The following GRM7 variants were observed in gnomAD, a reference collection of about 807,000 sequenced individuals.
GRM7 encodes metabotropic glutamate receptor 7.
GRM7 carries 35 observed loss-of-function variants against 84.5 expected under a neutral mutation model. The observed-to-expected ratio is 0.41, with a 90% CI of 0.32 to 0.55. GRM7 has a LOEUF of 0.55. Among genes scored for constraint, GRM7 ranks in the 20% least tolerant of loss-of-function variants. The pLI is 0.19. For missense variants in GRM7, 1,003 were observed against 1,194.6 expected (o/e 0.84, Z 2.36); for synonymous variants, 487 against 455.1 (o/e 1.07, Z -0.89).
chr3:7,631,459 A>AT (rs1404240270), intron 8 of GRM7, among the ~76,000 whole-genome samples: 1 of 151,888 alleles, frequency 6.6e-6, no homozygotes, highest in Non-Finnish European at 1.5e-5. Context: ...TACTTTATAT[A>AT]TTTTTCCTCC....
At chr3:6,987,660 C>A (rs1030086501) in intron 1 of GRM7, among the ~76,000 whole-genome samples, 2 of 152,176 alleles carry the variant, frequency 1.3e-5, no homozygotes, top group African/African-American at 2.4e-5. Context: ...TCCTTGTAAG[C>A]CACTGGTTCC....
At chr3:6,918,075 A>G (rs1697004057) in intron 1 of GRM7, among the ~76,000 whole-genome samples, 1 of 152,164 alleles carries the variant, frequency 6.6e-6, no homozygotes, top group Admixed American at 6.6e-5. Context: ...CTTTTAATGA[A>G]AGCTTTGTAC....
chr3:6,966,907 C>A (rs1013847321), intron 1 of GRM7, among the ~76,000 whole-genome samples: 1 of 152,144 alleles, frequency 6.6e-6, no homozygotes, highest in Non-Finnish European at 1.5e-5. Context: ...TGAGGCTTAA[C>A]CTCTTTCACC....
intron 8 of GRM7, among the ~76,000 whole-genome samples, chr3:7,671,575 GTGAA>G (rs1437812410): frequency 1.3e-5 from 2 of 150,570 alleles, no homozygotes; most frequent in African/African-American, 4.9e-5. Context: ...ACAAAACACA[GTGAA>G]ACTAGGTCTT....
chr3:7,504,141 G>A (rs1699969021), intron 7 of GRM7, among the ~76,000 whole-genome samples: 1 of 152,188 alleles, frequency 6.6e-6, no homozygotes, highest in Non-Finnish European at 1.5e-5. Context: ...AATACTTTTA[G>A]AGAAAGATAA....
chr3:7,423,771 A>G (rs1459873218), intron 5 of GRM7, among the ~76,000 whole-genome samples: 2 of 152,056 alleles, frequency 1.3e-5, no homozygotes, highest in African/African-American at 4.8e-5. Context: ...CTATATATAT[A>G]TCTCCAGATA....
At chr3:7,568,182 C>G (rs903925054) in intron 7 of GRM7, among the ~76,000 whole-genome samples, 5 of 152,112 alleles carry the variant, frequency 3.3e-5, no homozygotes, top group African/African-American at 1.2e-4. Context: ...TGCTTGGGAA[C>G]TGGGGAGCCT....
intron 4 of GRM7, among the ~76,000 whole-genome samples, chr3:7,403,511 A>G (rs1401371647): frequency 1.3e-5 from 2 of 150,650 alleles, no homozygotes; most frequent in Admixed American, 1.3e-4. Context: ...TTCATACAAT[A>G]AATGATGACA....
At chr3:6,976,998 T>C (rs1247044274) in intron 1 of GRM7, among the ~76,000 whole-genome samples, 2 of 152,120 alleles carry the variant, frequency 1.3e-5, no homozygotes, top group South Asian at 2.1e-4. Context: ...GGTTATGATA[T>C]GAAGTGATCA....
intron 7 of GRM7, among the ~76,000 whole-genome samples, chr3:7,464,491 TAAGAG>T (rs1456612014): frequency 3.3e-5 from 5 of 152,122 alleles, no homozygotes; most frequent in Admixed American, 2.0e-4. Flanking sequence ...CAAAGAGAGA[TAAGAG>T]AAGAGCAGAG....
intron 5 of GRM7, among the ~76,000 whole-genome samples, chr3:7,451,402 G>A (rs370745959): frequency 3.0e-4 from 45 of 152,278 alleles, no homozygotes; most frequent in South Asian, 6.2e-4. Context: ...GCGACTGAGC[G>A]CCTCGGTGTG....
At chr3:7,529,221 T>A (rs562219609) in intron 7 of GRM7, among the ~76,000 whole-genome samples, 1 of 152,266 alleles carries the variant, frequency 6.6e-6, no homozygotes, top group Admixed American at 6.5e-5. Context: ...AAGCTCCTAT[T>A]AGTCATCAAA....
chr3:6,932,569 G>A (rs1200593689), intron 1 of GRM7, among the ~76,000 whole-genome samples: 1 of 152,026 alleles, frequency 6.6e-6, no homozygotes, highest in African/African-American at 2.4e-5. Flanking sequence ...TCTAGCAAGG[G>A]ATATTTAAAA....
rs1914007 is a variant in GRM7, at chr3:6,912,513, G to A, written c.519+50606G>A. 7.7e-3 allele frequency among the ~76,000 whole-genome samples: 1,173 copies of A among 152,202 alleles called. 12 individuals are homozygous for A. The highest frequency in any genetic ancestry group is 0.026 in the African/African-American group (1,096 of 41,550). ...CAATATAGAAATCTTCACTATATCC[G>A]TGCTATCCTCTCATTTGGCTGTGGA... On this transcript the variant is annotated intron_variant, in intron 1 of 9. Coordinates refer to ENST00000357716, the MANE Select transcript of GRM7 (RefSeq NM_000844.4).
At chr3:7,016,342 A>G (rs1003206635) in intron 1 of GRM7, among the ~76,000 whole-genome samples, 7 of 152,176 alleles carry the variant, frequency 4.6e-5, no homozygotes, top group Non-Finnish European at 1.0e-4. Flanking sequence ...AAGTCACTCA[A>G]AGAGATAGGA....
At chr3:6,947,518 T>C (rs967476336) in intron 1 of GRM7, among the ~76,000 whole-genome samples, 5 of 152,206 alleles carry the variant, frequency 3.3e-5, no homozygotes, top group African/African-American at 7.2e-5. Context: ...AATTCTCTCT[T>C]TTTTGTTATG....
intron 4 of GRM7, among the ~76,000 whole-genome samples, chr3:7,339,677 C>G (rs1198201956): frequency 6.6e-6 from 1 of 151,918 alleles, no homozygotes; most frequent in East Asian, 1.9e-4. Flanking sequence ...AAGGGAAATC[C>G]TGCTTCTTCA....
intron 2 of GRM7, among the ~76,000 whole-genome samples, chr3:7,294,249 T>C (rs1158006182): frequency 6.6e-6 from 1 of 152,216 alleles, no homozygotes; most frequent in East Asian, 1.9e-4. Context: ...CCAATTTGCT[T>C]AATCACTCAG....
chr3:7,412,382 T>G (rs1468014917), intron 4 of GRM7, among the ~76,000 whole-genome samples: 2 of 152,230 alleles, frequency 1.3e-5, no homozygotes, highest in Non-Finnish European at 2.9e-5. Context: ...AGCAGACAGC[T>G]GTGTCCTCTG....
Sources: allele counts gnomAD v4.1 joint callset (sites outside exome capture counted in the v4.1 genomes callset), GRCh38; gene constraint gnomAD v4.1.1; transcripts MANE v1.5; gene names NCBI Gene and HGNC (gene_info 2026-07-23, HGNC 2026-07-21).